TOE1: variants seen among roughly 807,000 people sequenced by gnomAD.
TOE1 encodes target of EGR1 protein 1.
In TOE1, 50 loss-of-function variants were observed where a neutral mutation model predicts 49.2. The observed-to-expected ratio is 1.02, with a 90% CI of 0.81 to 1.29. The LOEUF (loss-of-function observed/expected upper bound fraction) is 1.29. TOE1 is among the 50% of genes most tolerant of loss of function. TOE1 has a pLI of 0.00. For missense variants in TOE1, 544 were observed against 654.4 expected, an observed-to-expected ratio of 0.83 and a Z score of 1.84; for synonymous variants, 221 against 247.0, an observed-to-expected ratio of 0.89 and a Z score of 0.99.
Position 45,342,095 on chromosome 1 carries a change from G to A in TOE1, c.480G>A (p.Lys160=). The A allele has an allele frequency of 1.2e-6, 2 of 1,613,846 alleles. No individual in the cohort carries two copies. The highest frequency in any genetic ancestry group is 2.2e-5 in the South Asian group (2 of 91,064). ...QQYAQGIPYH[K]GNDKGDESQS... ...ATGCCCAAGGCATCCCCTACCATAA[G>A]GGCAATGACAAGGTAGGCCTCTAGC... Residue 160 remains lysine, a synonymous_variant, in exon 5 of 8, where the codon AAG becomes AAA. Coordinates refer to ENST00000372090, the MANE Select transcript of TOE1 (RefSeq NM_025077.4).
In TOE1 at chr1:45,341,374, A is replaced by G. The variant is rs561126588; in HGVS notation, c.236+31A>G. Reference sequence around the variant, plus strand: ...TATAAGCCCTTTTCTCTTTAGTGCCAGCCCTCAACTGTGGAGTGGGGGGGT... The same window carrying G: ...TATAAGCCCTTTTCTCTTTAGTGCCGGCCCTCAACTGTGGAGTGGGGGGGT... On this transcript the variant is annotated intron_variant, in intron 3 of 7. Coordinates refer to ENST00000372090, the MANE Select transcript of TOE1 (RefSeq NM_025077.4). 5.6e-6 allele frequency: 9 copies of G among 1,614,164 alleles called. No individual in the cohort carries two copies. In the South Asian group the frequency reaches 9.9e-5, roughly 18 times the overall value.
chr1:45,342,539 T>A lies in TOE1; in HGVS notation c.648T>A (p.Ala216=). 1 of 1,614,188 alleles carries A rather than the reference T, an allele frequency of 6.2e-7. No individual in the cohort carries two copies. Among genetic ancestry groups the A allele is most frequent in the Non-Finnish European group, 8.5e-7 (1 of 1,180,034 alleles). The change falls in exon 6 of 8, where the codon GCT becomes GCA. Residue 216 remains alanine, a synonymous_variant. Transcript: ENST00000372090. ...HLPESLGTFT[A]DLCEMFPAGI... ...CTGAGAGTCTGGGAACCTTCACCGCTGACCTGTGTGAGATGTTCCCAGCAG... is the reference window on the plus strand; with the variant it reads ...CTGAGAGTCTGGGAACCTTCACCGCAGACCTGTGTGAGATGTTCCCAGCAG...
chr1:45,343,955 G>C lies in TOE1; in HGVS notation c.*253G>C. On this transcript the variant is annotated 3_prime_UTR_variant, in exon 8 of 8. Transcript: ENST00000372090. The surrounding 1 kb of genome is among the most constrained non-coding windows in gnomAD (Gnocchi z 4.3). ...AGTTTTACAAAAAAAAAAATCAACAGAAGCAAGTTATGAAAATATTTGACC... is the reference window on the plus strand; with the variant it reads ...AGTTTTACAAAAAAAAAAATCAACACAAGCAAGTTATGAAAATATTTGACC... 1 of 420,826 alleles carries C rather than the reference G, an allele frequency of 2.4e-6. No homozygotes were observed. The allele number at this position is 420,826 out of a possible 1,614,324, so 26.1% of individuals were successfully genotyped here.
rs1270711421 is a variant in TOE1, at chr1:45,342,128, G to A, written c.492+21G>A. 5 of 1,612,218 alleles carry A rather than the reference G, an allele frequency of 3.1e-6. No individual in the cohort carries two copies. In the South Asian group the frequency reaches 5.5e-5, roughly 18 times the overall value. On this transcript the variant is annotated intron_variant, in intron 5 of 7. Coordinates refer to ENST00000372090, the MANE Select transcript of TOE1 (RefSeq NM_025077.4). ...ACAAGGTAGGCCTCTAGCCTCCCTA[G>A]CCTTGAGTCTGCCCTTTCTGTGACT...
rs763748171 is a variant in TOE1, at chr1:45,343,549, G to A, written c.1380G>A (p.Pro460=). ...VMAYVEVSQG[P]QPCSSGPWLP... is the part of the protein sequence containing the mutation. ...CCTATGTGGAAGTGAGCCAGGGACCGCAGCCCTGCAGCTCTGGACCCTGGC... is the reference window on the plus strand; with the variant it reads ...CCTATGTGGAAGTGAGCCAGGGACCACAGCCCTGCAGCTCTGGACCCTGGC... The change falls in exon 8 of 8, where the codon CCG becomes CCA. Residue 460 remains proline (P), a synonymous_variant. Transcript: ENST00000372090. This position sits in a 1 kb window ranked among gnomAD's most constrained non-coding sequence, Gnocchi z 4.3. 6.2e-6 allele frequency: 10 copies of A among 1,613,884 alleles called. No individual in the cohort carries two copies. The highest frequency in any genetic ancestry group is 3.3e-5 in the South Asian group (3 of 91,080).
At position 45,343,202 on chromosome 1, in the gene TOE1, C is replaced by T. The variant is rs751217093; in HGVS notation, c.1033C>T (p.Arg345Trp). The change falls in exon 8 of 8, where the codon CGG (arginine) becomes TGG (tryptophan). Residue 345 changes from arginine to tryptophan, a missense_variant. Physicochemically the swap from Arg to Trp is moderately radical, Grantham distance 101 (BLOSUM62 -3). Coordinates refer to ENST00000372090, the MANE Select transcript of TOE1 (RefSeq NM_025077.4). The surrounding 1 kb of genome is among the most constrained non-coding windows in gnomAD (Gnocchi z 4.3). ...GCGACGGCGACGACGTAGGGAAAAA[C>T]GGAAGAGGGCTTTATTGAACCTACC... ...KRRRRRRREK[R>W]KRALLNLPGT... 6.2e-6 allele frequency: 10 copies of T among 1,613,810 alleles called. No individual in the cohort carries two copies. The highest frequency in any genetic ancestry group is 5.5e-5 in the South Asian group (5 of 91,068).
chr1:45,340,943 A>G lies in TOE1; in HGVS notation c.53-130A>G, dbSNP rs1026837688. On this transcript the variant is annotated intron_variant, in intron 1 of 7. Coordinates refer to ENST00000372090, the MANE Select transcript of TOE1 (RefSeq NM_025077.4). ...GGCCTGTGTGTAGAACACGTGGGTTACAAAGGCTTGTGGGAAAAGCTACCA... is the reference window on the plus strand; with the variant it reads ...GGCCTGTGTGTAGAACACGTGGGTTGCAAAGGCTTGTGGGAAAAGCTACCA... The G allele has an allele frequency of 2.2e-5, 29 of 1,348,484 alleles. No individual in the cohort carries two copies. The Admixed American group carries it at 5.4e-4, about 25-fold the overall frequency. 83.5% of individuals were successfully genotyped at this position (1,348,484 alleles called of 1,614,324 possible).
chr1:45,340,694 G>A lies in TOE1; in HGVS notation c.53-379G>A, dbSNP rs186773272. 1.2e-3 allele frequency among the ~76,000 whole-genome samples: 190 copies of A among 152,268 alleles called. 2 individuals carry two copies. Among genetic ancestry groups the A allele is most frequent in the South Asian group, 6.2e-4 (3 of 4,830 alleles). ...TGCTTGTGGCGCTGGGGCACCATGA[G>A]AACAGTAGTATGGATCCCTGTGGGA... On this transcript the variant is annotated intron_variant, in intron 1 of 7. Transcript: ENST00000372090.
rs533647558 is a variant in TOE1 at position 45,342,441 on chromosome 1, C to T, written c.550C>T (p.Arg184Cys). ...CCTATTCCTGGAGCTAATCCGAGCCCGCCGGCCCCTGGTGCTACACAATGG... is the reference window on the plus strand; with the variant it reads ...CCTATTCCTGGAGCTAATCCGAGCCTGCCGGCCCCTGGTGCTACACAATGG... ...RTLFLELIRA[R>C]RPLVLHNGLI... Residue 184 changes from arginine to cysteine, a missense_variant, in exon 6 of 8, where the codon CGC (arginine) becomes TGC (cysteine). Transcript: ENST00000372090. The T allele has an allele frequency of 5.6e-5, 91 of 1,614,122 alleles. No individual in the cohort carries two copies. The highest frequency in any genetic ancestry group is 3.3e-4 in the East Asian group (15 of 44,884).
chr1:45,340,304 G>C lies in TOE1; in HGVS notation c.52G>C (p.Gly18Arg). ...AGTTTCAGCTCCCGCAGCTTCCGAC[G>C]GTGAGCGGCTTCCCAGAGGTAGCCT... ...GAVSAPAASD[G>R]GVSKSTTSGE... is the part of the protein sequence containing the mutation. The change falls in exon 1 of 8, where the codon GGT (glycine) becomes CGT (arginine). Residue 18 changes from glycine (G) to arginine (R), a missense_variant and splice_region_variant. Coordinates refer to ENST00000372090, the MANE Select transcript of TOE1 (RefSeq NM_025077.4). 1 of 1,612,552 alleles carries C rather than the reference G, an allele frequency of 6.2e-7. No homozygotes were observed. Among genetic ancestry groups the C allele is most frequent in the Non-Finnish European group, 8.5e-7 (1 of 1,179,580 alleles).
In TOE1 at chr1:45,341,173, C is replaced by T. The variant is rs769595439; in HGVS notation, c.153C>T (p.Leu51=). The change falls in exon 2 of 8, where the codon CTC becomes CTT. Residue 51 remains leucine, a synonymous_variant. Transcript: ENST00000372090. ...SNNFKEMWPS[L]LLAIKTANFV... is the part of the protein sequence containing the mutation. ...ACTTCAAGGAGATGTGGCCATCCCT[C>T]CTGCTAGCCATAAAGACAGCTAATT... 5.8e-5 allele frequency: 94 copies of T among 1,614,070 alleles called. No individual in the cohort carries two copies. Among genetic ancestry groups the T allele is most frequent in the Non-Finnish European group, 7.8e-5 (92 of 1,180,046 alleles).
chr1:45,340,521 A>G, intron 1 of TOE1: 1 of 1,425,856 alleles, frequency 7.0e-7, no homozygotes, highest in East Asian at 2.6e-5. Flanking sequence ...ATGGCGGGAG[A>G]TGTAGTCTGG....
intron 1 of TOE1, among the ~76,000 whole-genome samples, chr1:45,340,827 A>G (rs904129628): frequency 6.6e-6 from 1 of 152,228 alleles, no homozygotes; most frequent in East Asian, 1.9e-4. Context: ...AGATTGTGAA[A>G]GCGAGGTGGG....
In TOE1 at chr1:45,342,490, A is replaced by G; in HGVS notation, c.599A>G (p.Tyr200Cys). The change falls in exon 6 of 8, where the codon TAC becomes TGC. Residue 200 changes from tyrosine to cysteine, a missense_variant. Coordinates refer to ENST00000372090, the MANE Select transcript of TOE1 (RefSeq NM_025077.4). ...HNGLIDLVFL[Y>C]QNFYAHLPES... ...GGCCTTATAGACTTGGTGTTCCTGT[A>G]CCAGAACTTCTATGCACACCTCCCT... 6.2e-7 allele frequency: 1 copy of G among 1,614,046 alleles called. No homozygotes were observed. Among genetic ancestry groups the G allele is most frequent in the Non-Finnish European group, 8.5e-7 (1 of 1,180,016 alleles).
In TOE1 at chr1:45,342,895, G is replaced by T. The variant is rs771704204; in HGVS notation, c.805G>T (p.Glu269Ter). 5 of 1,613,972 alleles carry T rather than the reference G, an allele frequency of 3.1e-6. No individual in the cohort carries two copies. Among genetic ancestry groups the T allele is most frequent in the African/African-American group, 1.3e-5 (1 of 74,958 alleles). Reference protein sequence around the residue: ...RAAGSPHLTLEFCNYPSSMRD... With the variant: ...RAAGSPHLTL The stretch of plus-strand genomic sequence containing the variant: ...AGCTGGCAGCCCACACCTTACCCTG[G>T]AGTTCTGCAACTATCCTTCCAGCAT... Residue 269 changes from glutamate to a stop codon, truncating the protein, a stop_gained, in exon 7 of 8, where the codon GAG becomes TAG. Transcript: ENST00000372090. LOFTEE classifies it high-confidence loss of function.
Position 45,343,921 on chromosome 1 carries a change from T to C in TOE1, c.*219T>C. On this transcript the variant is annotated 3_prime_UTR_variant, in exon 8 of 8. Transcript: ENST00000372090. The surrounding 1 kb of genome is among the most constrained non-coding windows in gnomAD (Gnocchi z 4.3). ...GACTTTATTTTTAAGTCTGAAAATG[T>C]CTTGGGAAAGTTTTACAAAAAAAAA... The C allele has an allele frequency of 2.2e-6, 1 of 446,048 alleles. No homozygotes were observed. The allele number at this position is 446,048 out of a possible 1,614,324, so 27.6% of individuals were successfully genotyped here. A position where few individuals can be genotyped will look rare whatever the true frequency, so the allele number is the denominator to read the frequency against.
At position 45,341,496 on chromosome 1, in the gene TOE1, C is replaced by T. The variant is rs1311869771; in HGVS notation, c.260C>T (p.Ala87Val). The T allele has an allele frequency of 1.2e-6, 2 of 1,614,106 alleles. No homozygotes were observed. The highest frequency in any genetic ancestry group is 2.2e-5 in the East Asian group (1 of 44,876). ...AGGTGCATTGAGGAACGTTACAAGG[C>T]CGTGTGTCATGCTGCCAGGACCCGT... is the stretch of plus-strand genomic sequence containing the variant. ...LNQCIEERYK[A>V]VCHAARTRSI... The change falls in exon 4 of 8, where the codon GCC becomes GTC. Residue 87 changes from alanine (A) to valine (V), a missense_variant. Physicochemically the swap from Ala to Val is moderately conservative, Grantham distance 64 (BLOSUM62 0). Coordinates refer to ENST00000372090, the MANE Select transcript of TOE1 (RefSeq NM_025077.4).
chr1:45,343,500 C>G lies in TOE1; in HGVS notation c.1331C>G (p.Ala444Gly), dbSNP rs777803651. ...GGATTGCACCGGGCTGGTTTTGATG[C>G]CTTTATGACAGGTTATGTGATGGCC... ...GDGLHRAGFDAFMTGYVMAYV... is the reference protein window; with the variant it reads ...GDGLHRAGFDGFMTGYVMAYV... Residue 444 changes from alanine (A) to glycine (G), a missense_variant, in exon 8 of 8, where the codon GCC becomes GGC. Coordinates refer to ENST00000372090, the MANE Select transcript of TOE1 (RefSeq NM_025077.4). This position sits in a 1 kb window ranked among gnomAD's most constrained non-coding sequence, Gnocchi z 4.3. 1.9e-6 allele frequency: 3 copies of G among 1,614,002 alleles called. No homozygotes were observed. The highest frequency in any genetic ancestry group is 2.2e-5 in the South Asian group (2 of 91,076).
chr1:45,341,846 TC>T, intron 4 of TOE1, 102 bp from the exon 5 acceptor site: 10 of 1,277,922 alleles, frequency 7.8e-6, no homozygotes, highest in African/African-American at 1.5e-5. Context: ...CTCCATCCTT[TC>T]CCCCCTGAGT....
Sources: gnomAD v4.1 joint callset for allele counts (sites outside exome capture counted in the v4.1 genomes callset) on GRCh38, gnomAD v4.1.1 for gene constraint, Gnocchi (gnomAD v3.1) non-coding constraint, MANE v1.5 for transcripts, NCBI Gene and HGNC (gene_info 2026-07-23, HGNC 2026-07-21) for gene names.